The following LINGO2 variants were observed in gnomAD, a reference collection of about 807,000 sequenced individuals.
The protein encoded by LINGO2 is leucine rich repeat and Ig domain containing 2, also known as leucine-rich repeat and immunoglobulin-like domain-containing nogo receptor-interacting protein 2.
Under a neutral mutation model 30.6 loss-of-function variants are expected in LINGO2, and 14 were observed. That is an observed-to-expected ratio of 0.46 (90% CI 0.30 to 0.72). The LOEUF (loss-of-function observed/expected upper bound fraction) is 0.72. Among genes scored for constraint, LINGO2 ranks in the 30% least tolerant of loss-of-function variants. The pLI is 0.07. For synonymous variants in LINGO2, 317 were observed against 288.5 expected, an observed-to-expected ratio of 1.10 and a Z score of -1.00; for missense variants, 729 against 751.7, an observed-to-expected ratio of 0.97 and a Z score of 0.35.
chr9:28,835,197 G>T, the LINGO2 span, among the ~76,000 whole-genome samples: 1 of 152,126 alleles, frequency 6.6e-6, no homozygotes, highest in African/African-American at 2.4e-5. Flanking sequence ...CAGAGAACCA[G>T]ATTTAGGAAA....
intron 5 of LINGO2, among the ~76,000 whole-genome samples, chr9:27,980,282 T>C (rs1820794838): frequency 6.6e-6 from 1 of 151,928 alleles, no homozygotes; most frequent in Non-Finnish European, 1.5e-5. Flanking sequence ...CATTTATTCA[T>C]TCAATTCCCT....
chr9:27,953,099 G>A (rs1819393599), intron 5 of LINGO2, among the ~76,000 whole-genome samples: 1 of 151,944 alleles, frequency 6.6e-6, no homozygotes, highest in Non-Finnish European at 1.5e-5. Context: ...TTAAAAATAG[G>A]GGGTATGTAG....
chr9:28,084,260 T>C (rs1017757631), intron 4 of LINGO2, among the ~76,000 whole-genome samples: 74 of 152,256 alleles, frequency 4.9e-4, no homozygotes, highest in African/African-American at 1.7e-3. Context: ...TTATGTTCTT[T>C]GTTTTATTTG....
chr9:29,201,659 C>T, the LINGO2 span, among the ~76,000 whole-genome samples: 3 of 152,054 alleles, frequency 2.0e-5, no homozygotes, highest in Admixed American at 2.0e-4. Flanking sequence ...TCTGTACAAA[C>T]CTCTCATTAT....
chr9:28,866,309 T>C, the LINGO2 span, among the ~76,000 whole-genome samples: 1 of 152,138 alleles, frequency 6.6e-6, no homozygotes, highest in African/African-American at 2.4e-5. Flanking sequence ...TGTATTTTTT[T>C]AAGGTTATCC....
intron 2 of LINGO2, among the ~76,000 whole-genome samples, chr9:28,378,265 A>G (rs1481538030): frequency 1.3e-5 from 2 of 152,198 alleles, no homozygotes; most frequent in Non-Finnish European, 2.9e-5. Context: ...AAGAGCTACT[A>G]GCTTTAGTTC....
chr9:27,954,412 T>A (rs998854534), intron 5 of LINGO2, among the ~76,000 whole-genome samples: 1 of 152,182 alleles, frequency 6.6e-6, no homozygotes, highest in East Asian at 1.9e-4. Context: ...GCTCTCAATG[T>A]TTTTAGCTCC....
At chr9:28,821,770 C>T in the LINGO2 span, among the ~76,000 whole-genome samples, 2 of 152,162 alleles carry the variant, frequency 1.3e-5, no homozygotes, top group African/African-American at 4.8e-5. Context: ...TCCTGTTCCA[C>T]GATGCCCTCA....
chr9:28,613,159 A>T (rs1825990832), intron 1 of LINGO2, among the ~76,000 whole-genome samples: 1 of 152,118 alleles, frequency 6.6e-6, no homozygotes, highest in South Asian at 2.1e-4. Context: ...TGAGTCAATT[A>T]AACTTCTTTT....
At chr9:28,408,837 C>T (rs2134794887) in intron 2 of LINGO2, among the ~76,000 whole-genome samples, 1 of 151,380 alleles carries the variant, frequency 6.6e-6, no homozygotes, top group African/African-American at 2.4e-5. Flanking sequence ...GTCTACAGTC[C>T]TCCTGGATGA....
At chr9:28,062,080 G>A (rs1825161762) in intron 4 of LINGO2, among the ~76,000 whole-genome samples, 1 of 152,046 alleles carries the variant, frequency 6.6e-6, no homozygotes, top group South Asian at 2.1e-4. Context: ...GGACAAGCCT[G>A]ATTAGGTCCA....
At chr9:28,102,160 G>C (rs1826436153) in intron 4 of LINGO2, among the ~76,000 whole-genome samples, 1 of 141,758 alleles carries the variant, frequency 7.1e-6, no homozygotes, top group Non-Finnish European at 1.5e-5. Flanking sequence ...CTTAGAAGCA[G>C]CCCTGGGAAA....
chr9:28,539,718 A>G (rs1380306861), intron 1 of LINGO2, among the ~76,000 whole-genome samples: 1 of 152,162 alleles, frequency 6.6e-6, no homozygotes, highest in Admixed American at 6.5e-5. Context: ...TAGATAAATC[A>G]GTCATCTTGT....
chr9:28,637,723 T>G (rs1485816245), intron 1 of LINGO2, among the ~76,000 whole-genome samples: 1 of 152,194 alleles, frequency 6.6e-6, no homozygotes, highest in Non-Finnish European at 1.5e-5. Flanking sequence ...GATTTTGGGC[T>G]GAGACAATGG....
chr9:28,875,426 A>C, the LINGO2 span, among the ~76,000 whole-genome samples: 1 of 152,094 alleles, frequency 6.6e-6, no homozygotes, highest in Non-Finnish European at 1.5e-5. Context: ...ATTTCTTAAC[A>C]AAAAAGGACT....
intron 4 of LINGO2, among the ~76,000 whole-genome samples, chr9:28,179,703 A>T (rs1227727241): frequency 1.4e-5 from 2 of 145,284 alleles, no homozygotes; most frequent in East Asian, 4.0e-4. Context: ...GTATATATAT[A>T]TTCTCTATAT....
chr9:28,200,334 A>G (rs918385038), intron 4 of LINGO2, among the ~76,000 whole-genome samples: 1 of 152,072 alleles, frequency 6.6e-6, no homozygotes, highest in African/African-American at 2.4e-5. Context: ...TTATCATTTT[A>G]TTACGTTTAG....
At chr9:29,179,754 T>C in the LINGO2 span, among the ~76,000 whole-genome samples, 2 of 152,182 alleles carry the variant, frequency 1.3e-5, no homozygotes, top group African/African-American at 4.8e-5. Context: ...TTCCCTAATA[T>C]ATATCCTAAA....
intron 4 of LINGO2, among the ~76,000 whole-genome samples, chr9:28,027,936 G>GATA (rs1823463202): frequency 1.3e-5 from 2 of 152,058 alleles, no homozygotes; most frequent in African/African-American, 4.8e-5. Flanking sequence ...TATAGGAGTG[G>GATA]TGGGCCATAT....
Sources: gnomAD v4.1 joint callset for allele counts (sites outside exome capture counted in the v4.1 genomes callset) on GRCh38, gnomAD v4.1.1 for gene constraint, MANE v1.5 for transcripts, NCBI Gene and HGNC (gene_info 2026-07-23, HGNC 2026-07-21) for gene names.